NAV2: variants seen among roughly 807,000 people sequenced by gnomAD.
NAV2 encodes the protein helicase, APC down-regulated 1.
Under a neutral mutation model 223.2 loss-of-function variants are expected in NAV2, and 54 were observed. That is an observed-to-expected ratio of 0.24 (90% CI 0.19 to 0.30). The LOEUF (loss-of-function observed/expected upper bound fraction) is 0.30, where lower values mean the gene tolerates loss of function less well. Ranked by LOEUF, NAV2 falls within the 10% of genes least tolerant of loss-of-function variation. The pLI is 1.00. For synonymous variants in NAV2, 1,279 were observed against 1,239.3 expected, an observed-to-expected ratio of 1.03 and a Z score of -0.67; for missense variants, 2,806 against 3,147.5, an observed-to-expected ratio of 0.89 and a Z score of 2.60.
chr11:19,471,923 G>T (rs1160798129), intron 1 of NAV2, among the ~76,000 whole-genome samples: 1 of 152,156 alleles, frequency 6.6e-6, no homozygotes, highest in Non-Finnish European at 1.5e-5. Context: ...GAATATCACA[G>T]TTAGGCCTGC....
At chr11:19,900,829 G>A (rs1046405470) in intron 6 of NAV2, among the ~76,000 whole-genome samples, 1 of 152,148 alleles carries the variant, frequency 6.6e-6, no homozygotes, top group Admixed American at 6.5e-5. Flanking sequence ...ATTTCCAGGG[G>A]AACAGTTAGC....
chr11:19,823,593 A>G (rs2059496501), intron 1 of NAV2, among the ~76,000 whole-genome samples: 1 of 152,134 alleles, frequency 6.6e-6, no homozygotes, highest in Admixed American at 6.6e-5. Context: ...TGACTGCTTC[A>G]GCCTCCCAAA....
At chr11:19,366,845 G>A (rs7120784) in intron 1 of NAV2, among the ~76,000 whole-genome samples, 4,141 of 152,176 alleles carry the variant, frequency 0.027, 183 homozygotes, top group African/African-American at 0.093. Context: ...TCCCTTCCCC[G>A]TCCTCCCACT....
At chr11:19,620,455 C>G (rs1461676074) in intron 1 of NAV2, among the ~76,000 whole-genome samples, 2 of 152,194 alleles carry the variant, frequency 1.3e-5, no homozygotes, top group East Asian at 3.9e-4. Flanking sequence ...GTTTGTAGTT[C>G]TCCTTGAAGA....
chr11:19,611,118 A>G (rs1315230041), intron 1 of NAV2, among the ~76,000 whole-genome samples: 1 of 152,178 alleles, frequency 6.6e-6, no homozygotes, highest in Non-Finnish European at 1.5e-5. Context: ...GCAAGAGAGA[A>G]TGAGGAAGAA....
At chr11:20,101,194 T>C in intron 32 of NAV2, 22 bp downstream of exon 32, 1 of 1,590,144 alleles carries the variant, frequency 6.3e-7, no homozygotes, top group Non-Finnish European at 8.6e-7. Context: ...ATTCTGAGTC[T>C]GCTGTATTTT....
chr11:19,550,554 C>CTGCAAGCAGCAT (rs1488962211), intron 1 of NAV2, among the ~76,000 whole-genome samples: 1 of 152,214 alleles, frequency 6.6e-6, no homozygotes. Context: ...GCTCAATAGT[C>CTGCAAGCAGCAT]TGCAAGCAGC....
intron 18 of NAV2, among the ~76,000 whole-genome samples, 159 bp downstream of exon 18, chr11:20,054,399 C>T (rs1392933356): frequency 6.6e-6 from 1 of 152,002 alleles, no homozygotes; most frequent in Non-Finnish European, 1.5e-5. Context: ...TTTGGTGCAC[C>T]CATCACTTGA....
At chr11:19,525,449 C>T (rs777396087) in intron 1 of NAV2, among the ~76,000 whole-genome samples, 2 of 152,178 alleles carry the variant, frequency 1.3e-5, no homozygotes, top group South Asian at 2.1e-4. Context: ...AGAGGGGGTG[C>T]AGGCAGAGGA....
At chr11:19,731,951 T>A (rs947151035) in intron 1 of NAV2, among the ~76,000 whole-genome samples, 1 of 152,212 alleles carries the variant, frequency 6.6e-6, no homozygotes, top group Non-Finnish European at 1.5e-5. Context: ...ATCCCTGCTC[T>A]GTGGCTTGTA....
intron 1 of NAV2, among the ~76,000 whole-genome samples, chr11:19,785,626 T>TGA (rs1431533564): frequency 6.6e-6 from 1 of 151,816 alleles, no homozygotes; most frequent in East Asian, 1.9e-4. Context: ...TTAAATAAGA[T>TGA]GAGTTTATTG....
intron 1 of NAV2, among the ~76,000 whole-genome samples, chr11:19,353,725 T>C (rs1853455497): frequency 1.3e-5 from 2 of 152,220 alleles, no homozygotes; most frequent in Non-Finnish European, 2.9e-5. Context: ...GCATGTGATT[T>C]TGTTTTAAAT....
At chr11:19,813,172 T>C (rs1425816127) in intron 1 of NAV2, among the ~76,000 whole-genome samples, 1 of 152,066 alleles carries the variant, frequency 6.6e-6, no homozygotes, top group African/African-American at 2.4e-5. Flanking sequence ...GCAGGCACTG[T>C]TGTTTTTTCT....
At chr11:19,883,315 C>T (rs1390313242) in intron 5 of NAV2, among the ~76,000 whole-genome samples, 3 of 152,156 alleles carry the variant, frequency 2.0e-5, no homozygotes, top group Non-Finnish European at 4.4e-5. Flanking sequence ...CAGAGCAAAT[C>T]TTCCATGACA....
At chr11:19,467,161 C>T (rs967542248) in intron 1 of NAV2, among the ~76,000 whole-genome samples, 1 of 152,044 alleles carries the variant, frequency 6.6e-6, no homozygotes, top group Non-Finnish European at 1.5e-5. Context: ...ATCCACTTTC[C>T]CCTATGATGT....
intron 11 of NAV2, among the ~76,000 whole-genome samples, chr11:19,986,250 G>C (rs1170435874): frequency 6.6e-6 from 1 of 152,200 alleles, no homozygotes; most frequent in Non-Finnish European, 1.5e-5. Flanking sequence ...AGTTCAGCCT[G>C]TATGGTTAAA....
chr11:19,621,363 C>G (rs4556516), intron 1 of NAV2, among the ~76,000 whole-genome samples: 1 of 152,070 alleles, frequency 6.6e-6, no homozygotes, highest in African/African-American at 2.4e-5. Flanking sequence ...TGGTAGAATT[C>G]GGCTGTGAAT....
chr11:19,513,783 A>G (rs1565003055), intron 1 of NAV2, among the ~76,000 whole-genome samples: 1 of 152,220 alleles, frequency 6.6e-6, no homozygotes, highest in Non-Finnish European at 1.5e-5. Context: ...TTAATCCAAT[A>G]TGACTGGTTT....
At position 19,475,951 on chromosome 11, in the gene NAV2, C is replaced by T. The variant is rs151318646; in HGVS notation, c.75+124924C>T. Reference sequence around the variant, plus strand: ...TCACCATGACCTTTCTGCCTGAAGTCGAGTGTCAGTTGCCCTTAAGAGCAT... The same window carrying T: ...TCACCATGACCTTTCTGCCTGAAGTTGAGTGTCAGTTGCCCTTAAGAGCAT... On this transcript the variant is annotated intron_variant, in intron 1 of 37. Coordinates refer to the NAV2 transcript ENST00000360655. 5.3e-5 allele frequency among the ~76,000 whole-genome samples: 8 copies of T among 152,298 alleles called. No homozygotes were observed. The East Asian group carries it at 1.2e-3, about 22-fold the overall frequency.
Sources: gnomAD v4.1 joint callset for allele counts (sites outside exome capture counted in the v4.1 genomes callset) on GRCh38, gnomAD v4.1.1 for gene constraint, MANE v1.5 for transcripts, NCBI Gene and HGNC (gene_info 2026-07-23, HGNC 2026-07-21) for gene names.